Variants in CLSTN2 observed in about 807,000 individuals in gnomAD.
CLSTN2 encodes calsyntenin 2.
A neutral mutation model predicts 101.2 loss-of-function variants in CLSTN2; 48 were observed. The observed-to-expected ratio is 0.47, with a 90% confidence interval of 0.38 to 0.60. The LOEUF (loss-of-function observed/expected upper bound fraction) is 0.60, where lower values mean the gene tolerates loss of function less well. CLSTN2 is among the 20% of genes least tolerant of loss of function. The pLI is 0.00. For synonymous variants in CLSTN2, 481 were observed against 463.6 expected, an observed-to-expected ratio of 1.04 and a Z score of -0.48; for missense variants, 1,160 against 1,238.2, an observed-to-expected ratio of 0.94 and a Z score of 0.95.
At chr3:140,024,181 C>CACT (rs2007373800) in intron 1 of CLSTN2, among the ~76,000 whole-genome samples, 2 of 152,198 alleles carry the variant, frequency 1.3e-5, no homozygotes, top group Admixed American at 1.3e-4. Flanking sequence ...GACCTTACCA[C>CACT]ACTTCCTGAG....
At chr3:140,298,044 T>G (rs1559832026) in intron 2 of CLSTN2, among the ~76,000 whole-genome samples, 2 of 152,254 alleles carry the variant, frequency 1.3e-5, no homozygotes, top group South Asian at 2.1e-4. Flanking sequence ...TCATAATTCA[T>G]TCACTCAAGT....
intron 2 of CLSTN2, among the ~76,000 whole-genome samples, chr3:140,346,653 G>C (rs77337142): frequency 0.016 from 2,401 of 152,206 alleles, 52 homozygotes; most frequent in African/African-American, 0.055. Context: ...TCCAAAATTG[G>C]GGCTGAAAAC....
intron 1 of CLSTN2, among the ~76,000 whole-genome samples, chr3:140,148,110 C>A (rs1231447246): frequency 6.6e-6 from 1 of 152,218 alleles, no homozygotes; most frequent in African/African-American, 2.4e-5. Flanking sequence ...CCCTACTGTT[C>A]ACGCAATTGC....
chr3:140,208,931 C>T (rs113910513), intron 2 of CLSTN2, among the ~76,000 whole-genome samples: 208 of 152,196 alleles, frequency 1.4e-3, no homozygotes, highest in African/African-American at 3.2e-3. Context: ...TCCACCCCAC[C>T]GCCACCTTCA....
Position 140,501,601 on chromosome 3 carries a change from G to A in CLSTN2, c.1345-30723G>A, listed in dbSNP as rs150414048. ...AAAGCAGATTTTCTCATCAGATTAT[G>A]TAACTGAGCCACAGCTGGTAAGAGT... On this transcript the variant is annotated intron_variant, in intron 8 of 16. Transcript: ENST00000458420. 1.8e-3 allele frequency among the ~76,000 whole-genome samples: 275 copies of A among 152,256 alleles called. 1 individual carries two copies. The highest frequency in any genetic ancestry group is 5.5e-3 in the African/African-American group (230 of 41,548).
At chr3:140,279,237 A>G (rs929883426) in intron 2 of CLSTN2, among the ~76,000 whole-genome samples, 1 of 152,140 alleles carries the variant, frequency 6.6e-6, no homozygotes, top group Non-Finnish European at 1.5e-5. Flanking sequence ...GTGAAGATAG[A>G]GAAAAGCCCA....
intron 12 of CLSTN2, among the ~76,000 whole-genome samples, chr3:140,561,562 C>T (rs1371479567): frequency 6.6e-6 from 1 of 152,190 alleles, no homozygotes; most frequent in Non-Finnish European, 1.5e-5. Context: ...AATGATTCAG[C>T]TCCATTTGAG....
intron 2 of CLSTN2, among the ~76,000 whole-genome samples, chr3:140,288,443 G>A (rs1255080746): frequency 6.6e-6 from 1 of 152,068 alleles, no homozygotes; most frequent in Admixed American, 6.5e-5. Flanking sequence ...GGATTCTATT[G>A]CAATCACTAA....
At chr3:140,311,516 T>TGGCCA (rs1329329649) in intron 2 of CLSTN2, among the ~76,000 whole-genome samples, 7 of 151,018 alleles carry the variant, frequency 4.6e-5, no homozygotes, top group Non-Finnish European at 8.8e-5. Context: ...TTCACCATGT[T>TGGCCA]GGCCAGGCTG....
At chr3:140,050,839 G>A (rs1288587738) in intron 1 of CLSTN2, among the ~76,000 whole-genome samples, 1 of 152,194 alleles carries the variant, frequency 6.6e-6, no homozygotes, top group Non-Finnish European at 1.5e-5. Flanking sequence ...GACAAAAGAA[G>A]ATATTCTACA....
intron 2 of CLSTN2, among the ~76,000 whole-genome samples, chr3:140,269,134 C>A (rs2086719952): frequency 6.6e-6 from 1 of 152,172 alleles, no homozygotes; most frequent in South Asian, 2.1e-4. Flanking sequence ...TACTGAGAGA[C>A]TCCTTGTTTT....
chr3:140,169,864 T>C (rs2010186036), intron 1 of CLSTN2, among the ~76,000 whole-genome samples: 1 of 152,182 alleles, frequency 6.6e-6, no homozygotes, highest in South Asian at 2.1e-4. Flanking sequence ...AGTATTTGAA[T>C]GCCTGCTGTG....
chr3:140,017,078 GC>G (rs1399743096), intron 1 of CLSTN2, among the ~76,000 whole-genome samples: 2 of 152,202 alleles, frequency 1.3e-5, no homozygotes, highest in Admixed American at 1.3e-4. Flanking sequence ...TTTCATGAAA[GC>G]TGTCTTTCAG....
At chr3:140,511,289 T>G (rs142975263) in intron 8 of CLSTN2, among the ~76,000 whole-genome samples, 6,312 of 152,260 alleles carry the variant, frequency 0.041, 437 homozygotes, top group African/African-American at 0.14. Context: ...TTAGATTGAT[T>G]TCATGTCTTT....
intron 1 of CLSTN2, among the ~76,000 whole-genome samples, chr3:139,945,247 T>TGAGTTGTGAGGTTCAGGGC (rs1434497667): frequency 6.6e-6 from 1 of 152,214 alleles, no homozygotes; most frequent in Admixed American, 6.5e-5. Context: ...GATCCACTGA[T>TGAGTTGTGAGGTTCAGGGC]GAGTTGTGAG....
At chr3:140,451,902 G>A (rs1264802421) in intron 6 of CLSTN2, among the ~76,000 whole-genome samples, 1 of 152,168 alleles carries the variant, frequency 6.6e-6, no homozygotes, top group African/African-American at 2.4e-5. Flanking sequence ...ATGGAAACAG[G>A]GAGACCAATG....
chr3:140,144,866 C>T (rs983929928), intron 1 of CLSTN2, among the ~76,000 whole-genome samples: 9 of 152,212 alleles, frequency 5.9e-5, no homozygotes, highest in Non-Finnish European at 8.8e-5. Flanking sequence ...TGACTTTTCT[C>T]CTGTCTGAAA....
chr3:140,013,734 A>G (rs1323804312), intron 1 of CLSTN2, among the ~76,000 whole-genome samples: 1 of 150,952 alleles, frequency 6.6e-6, no homozygotes, highest in Non-Finnish European at 1.5e-5. Flanking sequence ...ACCATAACTA[A>G]AAAAAAAATA....
intron 1 of CLSTN2, among the ~76,000 whole-genome samples, chr3:140,061,342 T>G (rs1016140753): frequency 6.6e-6 from 1 of 152,182 alleles, no homozygotes; most frequent in Non-Finnish European, 1.5e-5. Context: ...TATAACACTG[T>G]GTAAATGAGA....
Sources: allele counts gnomAD v4.1 joint callset (sites outside exome capture counted in the v4.1 genomes callset), GRCh38; gene constraint gnomAD v4.1.1; transcripts MANE v1.5; gene names NCBI Gene and HGNC (gene_info 2026-07-23, HGNC 2026-07-21).